EPAS1: variants seen among roughly 807,000 people sequenced by gnomAD.
EPAS1 encodes the protein endothelial PAS domain protein 1.
In EPAS1, 23 loss-of-function variants were observed where a neutral mutation model predicts 87.9. The observed-to-expected ratio is 0.26, with a 90% CI of 0.19 to 0.37. EPAS1 has a LOEUF of 0.37. Among genes scored for constraint, EPAS1 ranks in the 10% least tolerant of loss-of-function variants. EPAS1 has a pLI of 1.00. For synonymous variants in EPAS1, 508 were observed against 444.3 expected (o/e 1.14, Z -1.80); for missense variants, 1,138 against 1,120.7 (o/e 1.02, Z -0.22).
chr2:46,342,967 T>C (rs951644814), intron 1 of EPAS1, among the ~76,000 whole-genome samples: 8 of 152,118 alleles, frequency 5.3e-5, no homozygotes, highest in Non-Finnish European at 1.2e-4. Flanking sequence ...TATAAATTTG[T>C]GCATATGAAA....
At chr2:46,370,810 G>A (rs1433552248) in intron 7 of EPAS1, among the ~76,000 whole-genome samples, 7 of 152,316 alleles carry the variant, frequency 4.6e-5, no homozygotes, top group African/African-American at 1.7e-4. Context: ...ATAGGCAGGT[G>A]ATCCAGGACC....
Position 46,297,848 on chromosome 2 carries a change from G to GT in EPAS1, c.-64_-63insT. 6.3e-7 allele frequency: 1 copy of GT among 1,584,276 alleles called. No homozygotes were observed. Among genetic ancestry groups the GT allele is most frequent in the South Asian group, 1.1e-5 (1 of 87,798 alleles). On this transcript the variant is annotated 5_prime_UTR_variant, in exon 1 of 16. Coordinates refer to ENST00000263734, the MANE Select transcript of EPAS1 (RefSeq NM_001430.5). ...CCGCGGGGAGCGGACGAGGGCCACA[G>GT]CCCCCCACCCGCCAGGGAGCCCAGG...
chr2:46,372,469 G>A (rs952940859), intron 7 of EPAS1, among the ~76,000 whole-genome samples: 18 of 152,340 alleles, frequency 1.2e-4, no homozygotes, highest in African/African-American at 2.9e-4. Flanking sequence ...AAGGTTTACC[G>A]TTGAAATGCC....
intron 1 of EPAS1, among the ~76,000 whole-genome samples, chr2:46,298,663 C>A (rs1016010864): frequency 1.3e-5 from 2 of 152,254 alleles, no homozygotes; most frequent in African/African-American, 4.8e-5. Context: ...GTGTCTGTCT[C>A]CGAAGAGGAC....
At chr2:46,364,017 G>T (rs1199070653) in intron 6 of EPAS1, among the ~76,000 whole-genome samples, 2 of 152,218 alleles carry the variant, frequency 1.3e-5, no homozygotes, top group Admixed American at 6.5e-5. Context: ...GATGAGGCCT[G>T]AGATATTTTT....
At chr2:46,362,047 C>T (rs80158037) in intron 6 of EPAS1, among the ~76,000 whole-genome samples, 3,121 of 152,254 alleles carry the variant, frequency 0.02, 118 homozygotes, top group African/African-American at 0.072. Context: ...GTAAGCGCCA[C>T]TGGGGCTTGC....
rs1424015171 is a variant in EPAS1, at chr2:46,300,213, G to A, written c.26+2276G>A. ...AACCAATACATTGAAAGTTGGTGTT[G>A]TCATGTAAGTGACTGCTGTAGCTTT... On this transcript the variant is annotated intron_variant, in intron 1 of 15. Transcript: ENST00000263734. The surrounding 1 kb of genome is among the most constrained non-coding windows in gnomAD (Gnocchi z 4.1). Among the ~76,000 whole-genome samples the A allele has an allele frequency of 6.6e-6, 1 of 152,236 alleles. No individual in the cohort carries two copies. The highest frequency in any genetic ancestry group is 2.4e-5 in the African/African-American group (1 of 41,452).
At chr2:46,305,802 T>C (rs1683100868) in intron 1 of EPAS1, among the ~76,000 whole-genome samples, 1 of 152,178 alleles carries the variant, frequency 6.6e-6, no homozygotes, top group East Asian at 1.9e-4. Flanking sequence ...TGATTTTATC[T>C]GGTTAGGCCG....
At chr2:46,374,671 AGCTTCTGAGCTGG>A (rs1415314834) in intron 7 of EPAS1, among the ~76,000 whole-genome samples, 1 of 152,156 alleles carries the variant, frequency 6.6e-6, no homozygotes, top group Non-Finnish European at 1.5e-5. Context: ...GTGATTTGGG[AGCTTCTGAGCTGG>A]AGTTCTGTAA....
At chr2:46,345,676 CTA>C (rs1684009906) in intron 1 of EPAS1, among the ~76,000 whole-genome samples, 1 of 152,138 alleles carries the variant, frequency 6.6e-6, no homozygotes, top group African/African-American at 2.4e-5. Context: ...CTTGTAAGCA[CTA>C]TGTCTGTGAT....
chr2:46,323,230 G>A (rs1323247915), intron 1 of EPAS1, among the ~76,000 whole-genome samples: 1 of 152,088 alleles, frequency 6.6e-6, no homozygotes, highest in Non-Finnish European at 1.5e-5. Context: ...GCTATATTTT[G>A]TCTAATTCAT....
chr2:46,315,314 A>G (rs1342512089), intron 1 of EPAS1, among the ~76,000 whole-genome samples: 1 of 152,130 alleles, frequency 6.6e-6, no homozygotes, highest in Non-Finnish European at 1.5e-5. Context: ...AAATCACTGA[A>G]TGAAGTCATG....
chr2:46,361,161 G>A (rs1013835509), intron 6 of EPAS1, 71 bp downstream of exon 6: 1 of 1,517,720 alleles, frequency 6.6e-7, no homozygotes, highest in Non-Finnish European at 9.1e-7. Flanking sequence ...AGTTGTGCCT[G>A]TATTAAAGGT....
chr2:46,339,375 C>T (rs1323811206), intron 1 of EPAS1, among the ~76,000 whole-genome samples: 1 of 152,202 alleles, frequency 6.6e-6, no homozygotes, highest in African/African-American at 2.4e-5. Context: ...TGTTTCTAAT[C>T]GTGCCACATG....
intron 2 of EPAS1, among the ~76,000 whole-genome samples, chr2:46,352,020 T>A (rs543751234): frequency 6.6e-6 from 1 of 152,350 alleles, no homozygotes; most frequent in African/African-American, 2.4e-5. Flanking sequence ...AAAGCCTGTT[T>A]ACCGGGGCTA....
chr2:46,309,675 G>A (rs1319639219), intron 1 of EPAS1, among the ~76,000 whole-genome samples: 3 of 152,180 alleles, frequency 2.0e-5, no homozygotes, highest in African/African-American at 2.4e-5. Context: ...AAATGAGAAG[G>A]CAGCAATAAA....
intron 7 of EPAS1, 68 bp downstream of exon 7, chr2:46,370,001 C>A (rs1684594250): frequency 6.7e-6 from 8 of 1,186,970 alleles, no homozygotes; most frequent in African/African-American, 1.5e-5. Flanking sequence ...TGGGGTGTGA[C>A]TGGTGAGACA....
At chr2:46,352,518 C>T (rs1033414969) in intron 2 of EPAS1, among the ~76,000 whole-genome samples, 2 of 151,862 alleles carry the variant, frequency 1.3e-5, no homozygotes, top group Non-Finnish European at 2.9e-5. Context: ...ATTAATGGTA[C>T]GTCAGGGAAG....
intron 8 of EPAS1, 111 bp from the exon 9 acceptor site, chr2:46,376,428 C>G (rs1424078536): frequency 9.7e-7 from 1 of 1,026,272 alleles, no homozygotes; most frequent in Non-Finnish European, 1.5e-6. Context: ...TGCCTGGAGT[C>G]CTACCCATTT....
Sources: allele counts gnomAD v4.1 joint callset (sites outside exome capture counted in the v4.1 genomes callset), GRCh38; gene constraint gnomAD v4.1.1; non-coding constraint Gnocchi (gnomAD v3.1); transcripts MANE v1.5; gene names NCBI Gene and HGNC (gene_info 2026-07-23, HGNC 2026-07-21).